DNAH17: variants seen among roughly 807,000 people sequenced by gnomAD.
DNAH17 encodes the protein axonemal beta dynein heavy chain 17.
Under a neutral mutation model 485.6 loss-of-function variants are expected in DNAH17, and 376 were observed. The observed-to-expected ratio is 0.77, with a 90% CI of 0.71 to 0.84. The LOEUF (loss-of-function observed/expected upper bound fraction) is 0.84. Among genes scored for constraint, DNAH17 ranks in the 40% least tolerant of loss-of-function variants. The probability of loss-of-function intolerance (pLI) is 0.00; values close to 1 mark genes in which losing one functional copy is unlikely to be tolerated. For missense variants in DNAH17, 6,370 were observed against 5,839.3 expected (o/e 1.09, Z -2.96); for synonymous variants, 3,031 against 2,405.9 (o/e 1.26, Z -7.60).
chr17:78,469,697 C>T (rs564937594), intron 54 of DNAH17, among the ~76,000 whole-genome samples: 229 of 152,338 alleles, frequency 1.5e-3, no homozygotes, highest in Non-Finnish European at 2.7e-3. Context: ...TGAACAGGTA[C>T]ATAAAACGTG....
Position 78,501,928 on chromosome 17 carries a change from G to T in DNAH17, c.5191-55C>A, listed in dbSNP as rs1348285602. ...CCACGGGTGCCCACATGCACTGGGGGGTCTTGTGGCTGGGTGCCCACAGCT... is the reference window on the plus strand; with the variant it reads ...CCACGGGTGCCCACATGCACTGGGGTGTCTTGTGGCTGGGTGCCCACAGCT... On this transcript the variant is annotated intron_variant, in intron 33 of 80. Transcript: ENST00000389840. The T allele has an allele frequency of 4.4e-6, 7 of 1,605,194 alleles. No homozygotes were observed. In the African/African-American group the frequency reaches 5.3e-5, roughly 12 times the overall value.
At chr17:78,557,349 G>A (rs2092046639) in intron 14 of DNAH17, among the ~76,000 whole-genome samples, 1 of 152,136 alleles carries the variant, frequency 6.6e-6, no homozygotes, top group Non-Finnish European at 1.5e-5. Context: ...CAGGCTTGGG[G>A]CCTTATGCCT....
At chr17:78,525,200 C>A in intron 24 of DNAH17, 39 bp from the exon 25 acceptor site, 1 of 1,598,336 alleles carries the variant, frequency 6.3e-7, no homozygotes. Context: ...GGCTACCTAC[C>A]CTCAGCGGTG....
At chr17:78,487,897 T>C (rs1196308891) in intron 44 of DNAH17, among the ~76,000 whole-genome samples, 1 of 152,158 alleles carries the variant, frequency 6.6e-6, no homozygotes, top group Non-Finnish European at 1.5e-5. Flanking sequence ...CAAGAGAGAA[T>C]TAAGAGCTGA....
In DNAH17 at chr17:78,537,335, G is replaced by A. The variant is rs1218095887; in HGVS notation, c.2823C>T (p.Leu941=). ...LVNDIYNVAR[L]IPRLAKDRMN... is the part of the protein sequence containing the mutation. ...TCCTGTCCTTGGCCAGCCGAGGGAT[G>A]AGCCTGGCTACGTTGTAGATGTCGT... The change falls in exon 19 of 81, where the codon CTC becomes CTT. Residue 941 remains leucine, a synonymous_variant. Transcript: ENST00000389840. 5.6e-6 allele frequency: 9 copies of A among 1,595,750 alleles called. No homozygotes were observed. The highest frequency in any genetic ancestry group is 1.3e-5 in the African/African-American group (1 of 74,496).
chr17:78,562,183 TC>T (rs1260427678), intron 11 of DNAH17, among the ~76,000 whole-genome samples: 1 of 152,136 alleles, frequency 6.6e-6, no homozygotes, highest in Non-Finnish European at 1.5e-5. Context: ...TTAGGCCGAG[TC>T]CCCAAATACT....
chr17:78,515,180 A>G (rs993405857), intron 25 of DNAH17, among the ~76,000 whole-genome samples, 158 bp from the exon 26 acceptor site: 2 of 152,216 alleles, frequency 1.3e-5, no homozygotes, highest in African/African-American at 4.8e-5. Context: ...GATACAAGAA[A>G]AAACAACCGT....
At chr17:78,460,920 C>G (rs377013237) in intron 58 of DNAH17, among the ~76,000 whole-genome samples, 4 of 152,120 alleles carry the variant, frequency 2.6e-5, no homozygotes, top group African/African-American at 9.7e-5. Flanking sequence ...ATGACTGGAA[C>G]GCTCTTCAAT....
At chr17:78,472,497 G>A (rs367672039) in intron 54 of DNAH17, among the ~76,000 whole-genome samples, 25 of 152,218 alleles carry the variant, frequency 1.6e-4, no homozygotes, top group East Asian at 9.7e-4. Flanking sequence ...GACCTGAGCC[G>A]CTGAGACCAC....
At chr17:78,462,673 C>T (rs1236363721) in intron 57 of DNAH17, among the ~76,000 whole-genome samples, 171 bp downstream of exon 57, 1 of 152,186 alleles carries the variant, frequency 6.6e-6, no homozygotes, top group Admixed American at 6.5e-5. Context: ...GACAAGTATA[C>T]TAACTCTGGC....
In DNAH17 at chr17:78,530,494, G is replaced by A. The variant is rs779706291; in HGVS notation, c.3133C>T (p.Leu1045=). Residue 1045 remains leucine, a synonymous_variant, in exon 21 of 81, where the codon CTG becomes TTG. Coordinates refer to ENST00000389840, the MANE Select transcript of DNAH17 (RefSeq NM_173628.4). ...TCGCACTTGGACACCTCCTCATACA[G>A]CTTCTCGTAGGAGTCGATCTGGAAA... ...FQEQIDSYEK[L]YEEVSKCENT... 8 of 1,608,526 alleles carry A rather than the reference G, an allele frequency of 5.0e-6. No homozygotes were observed. In the South Asian group the frequency reaches 6.6e-5, roughly 13 times the overall value.
At chr17:78,531,691 G>A (rs1298227934) in intron 20 of DNAH17, among the ~76,000 whole-genome samples, 1 of 152,156 alleles carries the variant, frequency 6.6e-6, no homozygotes, top group Non-Finnish European at 1.5e-5. Context: ...CTTGTTCTTG[G>A]TTTCTGTTTG....
chr17:78,526,626 T>G, intron 24 of DNAH17, 25 bp downstream of exon 24: 1 of 1,565,754 alleles, frequency 6.4e-7, no homozygotes, highest in Non-Finnish European at 8.7e-7. Flanking sequence ...ACTTACCCCC[T>G]GATCTCACCC....
intron 1 of DNAH17, among the ~76,000 whole-genome samples, chr17:78,576,568 C>T (rs2092435507): frequency 1.3e-5 from 2 of 152,292 alleles, no homozygotes; most frequent in South Asian, 4.1e-4. Flanking sequence ...AATTAATCTC[C>T]ACCCAGGATC....
At chr17:78,571,085 G>T in intron 5 of DNAH17, 52 bp from the exon 6 acceptor site, 2 of 1,501,168 alleles carry the variant, frequency 1.3e-6, no homozygotes, top group Non-Finnish European at 1.8e-6. Context: ...AAATTGCTCA[G>T]AAACGATGAG....
intron 75 of DNAH17, among the ~76,000 whole-genome samples, chr17:78,432,295 T>C (rs956665112): frequency 3.2e-4 from 49 of 152,314 alleles, no homozygotes; most frequent in African/African-American, 1.2e-3. Context: ...GTGCTGAAAG[T>C]CCCTTTGAAC....
intron 77 of DNAH17, among the ~76,000 whole-genome samples, chr17:78,428,155 G>A (rs1007673817): frequency 7.9e-5 from 12 of 152,136 alleles, no homozygotes; most frequent in South Asian, 4.1e-4. Flanking sequence ...TGCCCGGTGC[G>A]AGCTGCTACT....
At chr17:78,466,158 T>A (rs2088441948) in intron 56 of DNAH17, among the ~76,000 whole-genome samples, 4 of 152,206 alleles carry the variant, frequency 2.6e-5, no homozygotes, top group African/African-American at 9.7e-5. Context: ...CTGAAACATG[T>A]GCTGTGTCCA....
intron 6 of DNAH17, 143 bp downstream of exon 6, chr17:78,570,804 GC>G: frequency 1.7e-6 from 1 of 599,302 alleles, no homozygotes; most frequent in African/African-American, 2.1e-5. Flanking sequence ...GTTGCAGTGA[GC>G]CGAGATCGCG....
Sources: allele counts gnomAD v4.1 joint callset (sites outside exome capture counted in the v4.1 genomes callset), GRCh38; gene constraint gnomAD v4.1.1; transcripts MANE v1.5; gene names NCBI Gene and HGNC (gene_info 2026-07-23, HGNC 2026-07-21).